CLASP1: variants seen among roughly 807,000 people sequenced by gnomAD.
CLASP1 encodes cytoplasmic linker associated protein 1, also known as CLIP-associating protein 1.
In CLASP1, 38 loss-of-function variants were observed where a neutral mutation model predicts 192.3. That is an observed-to-expected ratio of 0.20 (90% CI 0.15 to 0.26). The LOEUF is 0.26. Ranked by LOEUF, CLASP1 falls within the 10% of genes least tolerant of loss-of-function variation. The pLI, the probability that CLASP1 is intolerant of heterozygous loss-of-function variation, is 1.00. For missense variants in CLASP1, 1,433 were observed against 1,932.5 expected (o/e 0.74, Z 4.85); for synonymous variants, 691 against 712.8 (o/e 0.97, Z 0.49).
chr2:121,626,930 A>C (rs984285831), intron 1 of CLASP1, among the ~76,000 whole-genome samples: 1 of 152,240 alleles, frequency 6.6e-6, no homozygotes, highest in Non-Finnish European at 1.5e-5. Flanking sequence ...ATAGAGGAAC[A>C]ACTAGTACCT....
intron 1 of CLASP1, among the ~76,000 whole-genome samples, chr2:121,612,571 G>C (rs915234306): frequency 6.6e-6 from 1 of 151,850 alleles, no homozygotes; most frequent in African/African-American, 2.4e-5. Flanking sequence ...AGTTGGAGGA[G>C]GGGGAAGAAG....
chr2:121,611,776 T>G (rs1204619236), intron 1 of CLASP1, among the ~76,000 whole-genome samples: 68 of 86,802 alleles, frequency 7.8e-4, no homozygotes, highest in Admixed American at 8.7e-4. Context: ...GGAGGAGGAG[T>G]TACAGGAGAA....
intron 19 of CLASP1, among the ~76,000 whole-genome samples, chr2:121,442,034 G>C (rs938816433): frequency 6.6e-6 from 1 of 152,106 alleles, no homozygotes; most frequent in Non-Finnish European, 1.5e-5. Context: ...TAATAAACAT[G>C]ATTATTCCCC....
intron 2 of CLASP1, among the ~76,000 whole-genome samples, chr2:121,583,657 T>C (rs764469247): frequency 1.3e-5 from 2 of 152,218 alleles, no homozygotes; most frequent in African/African-American, 2.4e-5. Flanking sequence ...ATAGTACTTA[T>C]CAAAGCTAGT....
intron 2 of CLASP1, among the ~76,000 whole-genome samples, chr2:121,546,771 T>C (rs1290035719): frequency 6.6e-6 from 1 of 152,124 alleles, no homozygotes; most frequent in Non-Finnish European, 1.5e-5. Flanking sequence ...TGCAATTCCA[T>C]CTTTGGGTTT....
exon 9 of CLASP1, chr2:121,469,948 T>C: frequency 6.2e-7 from 1 of 1,611,236 alleles, no homozygotes; most frequent in East Asian, 2.2e-5. Context: ...ATCTTCATCG[T>C]CGAAATTTTT....
At chr2:121,393,055 A>C (rs908506721) in intron 30 of CLASP1, among the ~76,000 whole-genome samples, 1 of 152,222 alleles carries the variant, frequency 6.6e-6, no homozygotes, top group Admixed American at 6.5e-5. Flanking sequence ...AAAATCAATT[A>C]ATCTGGGTTA....
At chr2:121,521,964 G>A (rs1363484404) in intron 6 of CLASP1, among the ~76,000 whole-genome samples, 1 of 152,158 alleles carries the variant, frequency 6.6e-6, no homozygotes, top group East Asian at 1.9e-4. Context: ...AGACTAGTAG[G>A]AAAGATTAAT....
intron 2 of CLASP1, among the ~76,000 whole-genome samples, chr2:121,600,625 G>C (rs1345874137): frequency 6.6e-6 from 1 of 152,198 alleles, no homozygotes; most frequent in East Asian, 1.9e-4. Flanking sequence ...ACAGAACTCT[G>C]TATATTTGCA....
chr2:121,343,099 G>A (rs751278442), intron 39 of CLASP1, among the ~76,000 whole-genome samples: 3 of 152,044 alleles, frequency 2.0e-5, no homozygotes, highest in African/African-American at 7.2e-5. Flanking sequence ...AATAGGGAAA[G>A]GATCATCTTT....
At chr2:121,578,899 C>T (rs1027881078) in intron 2 of CLASP1, among the ~76,000 whole-genome samples, 3 of 152,102 alleles carry the variant, frequency 2.0e-5, no homozygotes, top group Admixed American at 6.5e-5. Flanking sequence ...TACACTTATA[C>T]ACTTTCCCTC....
At chr2:121,560,281 A>C (rs577010251) in intron 2 of CLASP1, among the ~76,000 whole-genome samples, 61 of 152,350 alleles carry the variant, frequency 4.0e-4, no homozygotes, top group African/African-American at 1.4e-3. Flanking sequence ...AGTTTTTAAA[A>C]ACAGCAAGCT....
intron 8 of CLASP1, among the ~76,000 whole-genome samples, chr2:121,498,201 CTTTTT>C (rs70954551): frequency 5.9e-5 from 7 of 119,092 alleles, no homozygotes; most frequent in East Asian, 2.4e-4. Context: ...GTAATAGTTT[CTTTTT>C]TTTTTTTTTT....
intron 2 of CLASP1, among the ~76,000 whole-genome samples, chr2:121,580,629 G>A (rs997570072): frequency 6.6e-6 from 1 of 152,162 alleles, no homozygotes; most frequent in Admixed American, 6.5e-5. Flanking sequence ...TTGCTGCAGA[G>A]TGCACCATCG....
At chr2:121,601,913 G>A (rs1000562768) in intron 2 of CLASP1, among the ~76,000 whole-genome samples, 26 of 152,056 alleles carry the variant, frequency 1.7e-4, no homozygotes, top group Admixed American at 8.5e-4. Flanking sequence ...AGTGGCTCAC[G>A]ACTGTAATCC....
In CLASP1 at chr2:121,425,598, G is replaced by A. The variant is rs192757039; in HGVS notation, c.2045-292C>T. On this transcript the variant is annotated intron_variant, in intron 21 of 39. Coordinates refer to ENST00000263710, the Ensembl canonical transcript of CLASP1. The stretch of plus-strand genomic sequence containing the variant: ...ATTCTTATTTTGTTTTTTTAATTCT[G>A]TAAGAGCTGATTATGTTAAAAATTT... 3.8e-4 allele frequency among the ~76,000 whole-genome samples: 58 copies of A among 152,034 alleles called. No homozygotes were observed. In the East Asian group the frequency reaches 0.011, roughly 29 times the overall value.
At chr2:121,513,707 A>G (rs2094206116) in intron 7 of CLASP1, among the ~76,000 whole-genome samples, 1 of 152,262 alleles carries the variant, frequency 6.6e-6, no homozygotes, top group African/African-American at 2.4e-5. Flanking sequence ...GGTGAAACCC[A>G]GAGGATACCA....
intron 1 of CLASP1, among the ~76,000 whole-genome samples, chr2:121,637,654 G>A (rs2106299934): frequency 6.6e-6 from 1 of 152,286 alleles, no homozygotes; most frequent in African/African-American, 2.4e-5. Context: ...GGGAAGCCAA[G>A]GCAGGTGGAT....
chr2:121,631,116 G>A (rs1168281483), intron 1 of CLASP1, among the ~76,000 whole-genome samples: 40 of 114,412 alleles, frequency 3.5e-4, no homozygotes, highest in African/African-American at 1.3e-3. Flanking sequence ...CCGAGATTGC[G>A]CCATTACGCT....
Sources: allele counts gnomAD v4.1 joint callset (sites outside exome capture counted in the v4.1 genomes callset), GRCh38; gene constraint gnomAD v4.1.1; transcripts MANE v1.5; gene names NCBI Gene and HGNC (gene_info 2026-07-23, HGNC 2026-07-21).